DDX10: variants seen among roughly 807,000 people sequenced by gnomAD.
DDX10 encodes the protein DEAD-box helicase 10.
DDX10 carries 74 observed loss-of-function variants against 104.3 expected under a neutral mutation model. The observed-to-expected ratio is 0.71, with a 90% CI of 0.59 to 0.86. The LOEUF is 0.86. DDX10 is among the 40% of genes least tolerant of loss of function. DDX10 has a pLI of 0.00. For missense variants in DDX10, 952 were observed against 1,040.0 expected (o/e 0.92, Z 1.16); for synonymous variants, 351 against 353.4 (o/e 0.99, Z 0.08).
intron 13 of DDX10, among the ~76,000 whole-genome samples, chr11:108,800,583 A>G (rs995511876): frequency 2.0e-5 from 3 of 152,126 alleles, no homozygotes; most frequent in Non-Finnish European, 4.4e-5. Flanking sequence ...AAAGCTCCTA[A>G]TGACAACCTA....
chr11:108,902,633 T>C (rs1192081808), intron 16 of DDX10, among the ~76,000 whole-genome samples: 1 of 152,140 alleles, frequency 6.6e-6, no homozygotes, highest in African/African-American at 2.4e-5. Context: ...TTTGTTAACT[T>C]TAAGTGAGTA....
At chr11:108,671,503 G>A (rs765351877) in intron 1 of DDX10, among the ~76,000 whole-genome samples, 2 of 152,212 alleles carry the variant, frequency 1.3e-5, no homozygotes, top group African/African-American at 2.4e-5. Flanking sequence ...ATCTCCTGCT[G>A]TGGCTGCTAT....
chr11:108,837,606 G>GC (rs1565294034), intron 13 of DDX10, among the ~76,000 whole-genome samples: 4 of 62,746 alleles, frequency 6.4e-5, no homozygotes, highest in Non-Finnish European at 8.6e-5. Flanking sequence ...TTTGGATACA[G>GC]CTTTTTTTTT....
Position 108,750,926 on chromosome 11 carries a change from C to CTTTT in DDX10, c.1965+27499_1965+27502dup, listed in dbSNP as rs10582729. On this transcript the variant is annotated intron_variant, in intron 13 of 17. Transcript: ENST00000322536. ...ACATGTGCATCACCACACCTGGTTA[C>CTTTT]TTTTTTTTTTTTTTTTTTTTTTTTT... Among the ~76,000 whole-genome samples, 4 of 24,250 alleles carry CTTTT rather than the reference C, an allele frequency of 1.6e-4. 1 individual carries two copies. Among genetic ancestry groups the CTTTT allele is most frequent in the African/African-American group, 3.8e-4 (4 of 10,560 alleles). 15.9% of individuals were successfully genotyped at this position (24,250 alleles called of 152,430 possible).
In DDX10 at chr11:108,841,381, G is replaced by A; in HGVS notation, c.2152G>A (p.Gly718Ser). 6.2e-7 allele frequency: 1 copy of A among 1,613,566 alleles called. No homozygotes were observed. The highest frequency in any genetic ancestry group is 1.1e-5 in the South Asian group (1 of 91,060). ...IKDAEEDDDT[G>S]GINLHKAKER... ...GGATGCTGAGGAAGATGATGACACAGGTGGTATCAACTTACATAAAGCAAA... is the reference window on the plus strand; with the variant it reads ...GGATGCTGAGGAAGATGATGACACAAGTGGTATCAACTTACATAAAGCAAA... The change falls in exon 15 of 18, where the codon GGT becomes AGT. Residue 718 changes from glycine (G) to serine (S), a missense_variant. Gly to Ser is a moderately conservative substitution (Grantham distance 56). Coordinates refer to ENST00000322536, the MANE Select transcript of DDX10 (RefSeq NM_004398.4).
chr11:108,785,269 A>G (rs1175729466), intron 13 of DDX10, among the ~76,000 whole-genome samples: 3 of 152,182 alleles, frequency 2.0e-5, no homozygotes, highest in Non-Finnish European at 4.4e-5. Flanking sequence ...CATCCCAGGA[A>G]TAAAGCCTGT....
intron 11 of DDX10, among the ~76,000 whole-genome samples, chr11:108,718,690 A>G (rs1233447573): frequency 6.6e-6 from 1 of 152,246 alleles, no homozygotes; most frequent in Non-Finnish European, 1.5e-5. Flanking sequence ...GTTGTCACGC[A>G]TGGTTTAGCA....
At chr11:108,837,228 T>C (rs1862567424) in intron 13 of DDX10, among the ~76,000 whole-genome samples, 1 of 152,232 alleles carries the variant, frequency 6.6e-6, no homozygotes, top group African/African-American at 2.4e-5. Context: ...TAGGTAATGG[T>C]AACTAATCTC....
chr11:108,740,308 A>G (rs969006436), intron 13 of DDX10, among the ~76,000 whole-genome samples: 4 of 152,300 alleles, frequency 2.6e-5, no homozygotes, highest in East Asian at 1.9e-4. Flanking sequence ...TACAAAGGAC[A>G]TGATTTCACT....
At chr11:108,771,367 T>G (rs1427531893) in intron 13 of DDX10, among the ~76,000 whole-genome samples, 1 of 152,054 alleles carries the variant, frequency 6.6e-6, no homozygotes, top group Non-Finnish European at 1.5e-5. Flanking sequence ...TTTTCTTTTT[T>G]TCTTTTTTTT....
intron 1 of DDX10, among the ~76,000 whole-genome samples, chr11:108,666,014 T>G (rs982205540): frequency 8.5e-5 from 13 of 152,070 alleles, no homozygotes; most frequent in Non-Finnish European, 7.4e-5. Flanking sequence ...CCCAGATGAG[T>G]ATACCTGTAA....
chr11:108,872,122 A>T (rs1863090803), intron 16 of DDX10, among the ~76,000 whole-genome samples: 1 of 152,178 alleles, frequency 6.6e-6, no homozygotes, highest in Non-Finnish European at 1.5e-5. Flanking sequence ...CTTGATTCTT[A>T]CTTTTGTTCT....
intron 13 of DDX10, among the ~76,000 whole-genome samples, chr11:108,805,661 A>T (rs117634120): frequency 3.8e-4 from 58 of 152,266 alleles, no homozygotes; most frequent in Non-Finnish European, 6.6e-4. Context: ...AATGACCTAG[A>T]GGAGTGATCT....
intron 16 of DDX10, among the ~76,000 whole-genome samples, chr11:108,875,932 A>G (rs1772147826): frequency 6.6e-6 from 1 of 152,164 alleles, no homozygotes; most frequent in South Asian, 2.1e-4. Context: ...TGGGAACCTA[A>G]CTTAGAGTGA....
chr11:108,928,627 G>T (rs558483173), intron 17 of DDX10, among the ~76,000 whole-genome samples: 1 of 152,312 alleles, frequency 6.6e-6, no homozygotes, highest in South Asian at 2.1e-4. Flanking sequence ...TCTTTTACAA[G>T]TTATGGACCT....
intron 13 of DDX10, among the ~76,000 whole-genome samples, chr11:108,818,052 A>G (rs952374810): frequency 2.0e-5 from 3 of 152,214 alleles, no homozygotes; most frequent in South Asian, 4.1e-4. Flanking sequence ...TGAAGAAACA[A>G]CGCCACGATA....
At chr11:108,843,930 G>A (rs1304995586) in intron 15 of DDX10, among the ~76,000 whole-genome samples, 1 of 152,106 alleles carries the variant, frequency 6.6e-6, no homozygotes, top group Admixed American at 6.5e-5. Flanking sequence ...TTATATGAAA[G>A]GTGTATCGTT....
At chr11:108,850,871 A>G (rs955873242) in intron 15 of DDX10, among the ~76,000 whole-genome samples, 5 of 152,172 alleles carry the variant, frequency 3.3e-5, no homozygotes, top group African/African-American at 1.2e-4. Flanking sequence ...CAAGTTACTT[A>G]GTTACTTTGA....
intron 13 of DDX10, among the ~76,000 whole-genome samples, chr11:108,782,505 C>T (rs1861719838): frequency 6.6e-6 from 1 of 152,086 alleles, no homozygotes; most frequent in Non-Finnish European, 1.5e-5. Context: ...TTGGAATGCA[C>T]CTTAGACAAT....
Sources: allele counts gnomAD v4.1 joint callset (sites outside exome capture counted in the v4.1 genomes callset), GRCh38; gene constraint gnomAD v4.1.1; transcripts MANE v1.5; gene names NCBI Gene and HGNC (gene_info 2026-07-23, HGNC 2026-07-21).